CSGALNACT1: variants seen among roughly 807,000 people sequenced by gnomAD.
The protein encoded by CSGALNACT1 is beta4GalNAcT-1.
A neutral mutation model predicts 51.0 loss-of-function variants in CSGALNACT1; 52 were observed. The ratio of observed to expected loss-of-function variants is 1.02; its 90% CI spans 0.82 to 1.29. The LOEUF (loss-of-function observed/expected upper bound fraction) is 1.29. CSGALNACT1 is among the 50% of genes most tolerant of loss of function. CSGALNACT1 has a pLI of 0.00. For missense variants in CSGALNACT1, 935 were observed against 679.2 expected (o/e 1.38, Z -4.19); for synonymous variants, 341 against 254.4 (o/e 1.34, Z -3.24).
intron 1 of CSGALNACT1, among the ~76,000 whole-genome samples, chr8:19,636,523 G>C (rs1288712571): frequency 6.6e-6 from 1 of 152,124 alleles, no homozygotes; most frequent in East Asian, 1.9e-4. Flanking sequence ...ATGGTGGACA[G>C]TTTTTTATAT....
intron 3 of CSGALNACT1, among the ~76,000 whole-genome samples, chr8:19,577,749 C>A (rs941380606): frequency 1.5e-4 from 23 of 151,896 alleles, no homozygotes; most frequent in African/African-American, 5.6e-4. Flanking sequence ...GCTTTCCAGC[C>A]GTCTGACTTG....
intron 4 of CSGALNACT1, among the ~76,000 whole-genome samples, chr8:19,500,880 C>T (rs930369074): frequency 2.0e-5 from 3 of 152,074 alleles, no homozygotes; most frequent in African/African-American, 7.2e-5. Context: ...AGATCAAGGC[C>T]CAGGCAGGTT....
intron 5 of CSGALNACT1, among the ~76,000 whole-genome samples, chr8:19,454,128 G>C (rs1464525037): frequency 6.6e-6 from 1 of 152,234 alleles, no homozygotes; most frequent in Admixed American, 6.5e-5. Context: ...ATGACAGTGT[G>C]TCCCATGAAT....
chr8:19,618,080 C>T (rs2053281840), intron 1 of CSGALNACT1, among the ~76,000 whole-genome samples: 1 of 151,732 alleles, frequency 6.6e-6, no homozygotes. Flanking sequence ...GGTTTCACTA[C>T]ATCGCCCAGG....
chr8:19,577,465 G>C (rs2044520128), intron 3 of CSGALNACT1, among the ~76,000 whole-genome samples: 1 of 151,248 alleles, frequency 6.6e-6, no homozygotes, highest in Non-Finnish European at 1.5e-5. Flanking sequence ...GGAGGCTGAA[G>C]TGAGAGGATT....
chr8:19,478,903 A>G (rs369069263), intron 4 of CSGALNACT1, among the ~76,000 whole-genome samples: 1 of 152,182 alleles, frequency 6.6e-6, no homozygotes, highest in South Asian at 2.1e-4. Flanking sequence ...GGATCTTGTC[A>G]TGTCATTTTA....
chr8:19,696,328 T>C (rs997690721), intron 1 of CSGALNACT1, among the ~76,000 whole-genome samples: 1 of 152,222 alleles, frequency 6.6e-6, no homozygotes. Context: ...TTTTAAGTCA[T>C]GCAAACAACT....
chr8:19,649,566 G>A (rs2057589863), intron 1 of CSGALNACT1, among the ~76,000 whole-genome samples: 1 of 151,750 alleles, frequency 6.6e-6, no homozygotes, highest in African/African-American at 2.4e-5. Context: ...GTTTTTCCAA[G>A]TACTCAAAAA....
chr8:19,658,019 T>A (rs1307421992), intron 1 of CSGALNACT1, among the ~76,000 whole-genome samples: 11 of 130,242 alleles, frequency 8.4e-5, no homozygotes, highest in African/African-American at 3.3e-4. Context: ...ATAGAATAAT[T>A]AATTACTCTA....
chr8:19,753,068 C>T (rs1239372034), intron 1 of CSGALNACT1, among the ~76,000 whole-genome samples: 4 of 152,104 alleles, frequency 2.6e-5, no homozygotes, highest in Non-Finnish European at 2.9e-5. Context: ...ATCATCTTGG[C>T]GTGGACTCAG....
chr8:19,678,767 G>A (rs140090874), intron 1 of CSGALNACT1: 34 of 152,106 alleles, frequency 2.2e-4, no homozygotes, highest in African/African-American at 6.0e-4. Flanking sequence ...AAACAGATTC[G>A]TCTGGAGTAA....
intron 1 of CSGALNACT1, among the ~76,000 whole-genome samples, chr8:19,711,855 C>T (rs2062524401): frequency 1.3e-5 from 2 of 152,188 alleles, no homozygotes; most frequent in Non-Finnish European, 2.9e-5. Flanking sequence ...GCACCTCCAA[C>T]ATGCCAGGCA....
At chr8:19,405,730 TA>T in exon 10 of CSGALNACT1, 1 of 1,610,854 alleles carries the variant, frequency 6.2e-7, no homozygotes, top group Non-Finnish European at 8.5e-7. Flanking sequence ...CCACTTTCAG[TA>T]ATTGCAAAAG....
intron 3 of CSGALNACT1, among the ~76,000 whole-genome samples, chr8:19,588,333 T>C (rs1289782454): frequency 1.3e-5 from 2 of 152,232 alleles, no homozygotes; most frequent in African/African-American, 2.4e-5. Context: ...AGTATCATAT[T>C]AATACTCCTA....
intron 1 of CSGALNACT1, among the ~76,000 whole-genome samples, chr8:19,669,969 C>A (rs1589409065): frequency 6.6e-6 from 1 of 152,154 alleles, no homozygotes; most frequent in Admixed American, 6.5e-5. Flanking sequence ...AAAATGCCTC[C>A]TTTCCCATTT....
chr8:19,406,603 A>C (rs577923996), intron 9 of CSGALNACT1, among the ~76,000 whole-genome samples: 6 of 147,734 alleles, frequency 4.1e-5, no homozygotes, highest in African/African-American at 1.5e-4. Flanking sequence ...TGCGCATAAT[A>C]ATTAAAAATA....
At chr8:19,421,786 G>C (rs1212625087) in intron 6 of CSGALNACT1, among the ~76,000 whole-genome samples, 1 of 152,162 alleles carries the variant, frequency 6.6e-6, no homozygotes, top group Non-Finnish European at 1.5e-5. Context: ...TTCTTCTTTT[G>C]GATCTGGGAG....
intron 3 of CSGALNACT1, among the ~76,000 whole-genome samples, chr8:19,577,076 A>AG (rs34472075): frequency 0.096 from 14,529 of 152,010 alleles, 2,210 homozygotes; most frequent in African/African-American, 0.32. Context: ...AAAGAGAGAG[A>AG]GGGTAACATG....
intron 1 of CSGALNACT1, among the ~76,000 whole-genome samples, chr8:19,674,584 C>T (rs11785951): frequency 5.9e-5 from 9 of 151,798 alleles, no homozygotes; most frequent in African/African-American, 1.2e-4. Context: ...ACCCTACCAC[C>T]GCAGAAGTCA....
Sources: gnomAD v4.1 joint callset for allele counts (sites outside exome capture counted in the v4.1 genomes callset) on GRCh38, gnomAD v4.1.1 for gene constraint, MANE v1.5 for transcripts, NCBI Gene and HGNC (gene_info 2026-07-23, HGNC 2026-07-21) for gene names.